The following TBC1D10A variants were observed in gnomAD, a reference collection of about 807,000 sequenced individuals.
TBC1D10A encodes EBP50-PDX interactor of 64 kDa.
In TBC1D10A, 24 loss-of-function variants were observed where a neutral mutation model predicts 52.9. The ratio of observed to expected loss-of-function variants is 0.45; its 90% CI spans 0.33 to 0.64. The LOEUF is 0.64. Among genes scored for constraint, TBC1D10A ranks in the 30% least tolerant of loss-of-function variants. The pLI, the probability that TBC1D10A is intolerant of heterozygous loss-of-function variation, is 0.02. For synonymous variants in TBC1D10A, 278 were observed against 282.9 expected, an observed-to-expected ratio of 0.98 and a Z score of 0.17; for missense variants, 602 against 687.9, an observed-to-expected ratio of 0.88 and a Z score of 1.40.
intron 4 of TBC1D10A, 61 bp from the exon 5 acceptor site, chr22:30,295,116 C>G (rs541827168): frequency 6.5e-7 from 1 of 1,542,848 alleles, no homozygotes; most frequent in East Asian, 2.3e-5. Flanking sequence ...ACGGCCTTCA[C>G]CTATGCCCCA....
chr22:30,303,644 G>C (rs1237056230), intron 2 of TBC1D10A, among the ~76,000 whole-genome samples: 1 of 152,270 alleles, frequency 6.6e-6, no homozygotes, highest in Non-Finnish European at 1.5e-5. Flanking sequence ...CCGGCAGCCA[G>C]CTGTGCCAGC....
intron 1 of TBC1D10A, among the ~76,000 whole-genome samples, chr22:30,310,319 C>T (rs561953103): frequency 1.7e-4 from 26 of 152,312 alleles, no homozygotes; most frequent in African/African-American, 3.6e-4. Flanking sequence ...CTGGTATTTG[C>T]GGCTTAACTA....
chr22:30,309,299 T>C (rs1601676141), intron 1 of TBC1D10A, among the ~76,000 whole-genome samples: 1 of 151,766 alleles, frequency 6.6e-6, no homozygotes, highest in East Asian at 1.9e-4. Flanking sequence ...TGCAGTGGCA[T>C]GATCTCAGCT....
At position 30,292,603 on chromosome 22, in the gene TBC1D10A, C is replaced by T. The variant is rs750980194; in HGVS notation, c.1299G>A (p.Lys433=). Residue 433 remains lysine (K), a synonymous_variant, in exon 9 of 9, where the codon AAG becomes AAA. Transcript: ENST00000215790. The stretch of plus-strand genomic sequence containing the variant: ...TCCCCTTCATCTGTTTCCGCTGCTC[C>T]TTCTGGGCCTGCTTGGGTGGCTTGG... The part of the protein sequence containing the change: ...AKPKPPKQAQ[K]EQRKQMKGRG... 2.5e-5 allele frequency: 41 copies of T among 1,613,590 alleles called. No individual in the cohort carries two copies. Among genetic ancestry groups the T allele is most frequent in the Non-Finnish European group, 3.4e-5 (40 of 1,179,876 alleles).
intron 8 of TBC1D10A, chr22:30,293,439 C>T (rs1158531180): frequency 2.6e-5 from 20 of 783,944 alleles, no homozygotes; most frequent in Non-Finnish European, 3.5e-5. Context: ...CCAAGCGGCT[C>T]GGATCCAGAA....
At chr22:30,322,256 C>T (rs900449509) in intron 1 of TBC1D10A, among the ~76,000 whole-genome samples, 12 of 152,106 alleles carry the variant, frequency 7.9e-5, no homozygotes, top group Admixed American at 3.3e-4. Context: ...GCTGGGATTA[C>T]GGCGGTGAAC....
rs748569575 is a variant in TBC1D10A, at chr22:30,326,858, A to G, written c.24T>C (p.Asn8=). MAKSNGE[N]GPRAPAAGES... is the part of the protein sequence containing the mutation. Reference sequence around the variant, plus strand: ...CCCCGGCCGCGGGCGCGCGCGGCCCATTCTCTCCGTTGCTCTTCGCCATCC... The same window carrying G: ...CCCCGGCCGCGGGCGCGCGCGGCCCGTTCTCTCCGTTGCTCTTCGCCATCC... The change falls in exon 1 of 9, where the codon AAT becomes AAC. Residue 8 remains asparagine (N), a synonymous_variant. Coordinates refer to ENST00000215790, the MANE Select transcript of TBC1D10A (RefSeq NM_031937.3). 1.5e-5 allele frequency: 23 copies of G among 1,507,284 alleles called. No individual in the cohort carries two copies. The highest frequency in any genetic ancestry group is 8.8e-5 in the Admixed American group (4 of 45,692). The allele number at this position is 1,507,284 out of a possible 1,614,324, so 93.4% of individuals were successfully genotyped here.
intron 1 of TBC1D10A, 103 bp downstream of exon 1, chr22:30,326,570 G>A (rs367932486): frequency 1.7e-6 from 2 of 1,161,784 alleles, no homozygotes; most frequent in Admixed American, 2.9e-5. Flanking sequence ...AGTGGTCCCT[G>A]CCTGGGAGGG....
intron 1 of TBC1D10A, among the ~76,000 whole-genome samples, chr22:30,316,152 T>C (rs1364582972): frequency 1.3e-5 from 2 of 152,180 alleles, no homozygotes; most frequent in Admixed American, 1.3e-4. Flanking sequence ...CTTGATTTGA[T>C]TACATTCCCA....
intron 3 of TBC1D10A, chr22:30,296,084 C>T (rs1389592754): frequency 3.4e-5 from 18 of 525,106 alleles, no homozygotes; most frequent in South Asian, 8.5e-5. Context: ...CTAGGAAGAC[C>T]GATGAGGGCA....
At chr22:30,315,809 T>C (rs1056226006) in intron 1 of TBC1D10A, among the ~76,000 whole-genome samples, 4 of 152,128 alleles carry the variant, frequency 2.6e-5, no homozygotes, top group Non-Finnish European at 4.4e-5. Context: ...AATTGTGTCA[T>C]CCATCATGAC....
In TBC1D10A at chr22:30,294,952, T is replaced by C. The variant is rs1569158968; in HGVS notation, c.628A>G (p.Met210Val). Residue 210 changes from methionine (M) to valine (V), a missense_variant, in exon 5 of 9, where the codon ATG becomes GTG. Met to Val is a conservative substitution (Grantham distance 21). This residue lies in a region of TBC1D10A where 136 missense variants were observed against 208.4 expected (regional missense o/e 0.65). Transcript: ENST00000215790. ...GGGCCTGGTGGTACCTCAGCAGGCA[T>C]ATGCATGAGCAAGACAGCGGCAATG... ...APIAAVLLMH[M>V]PAEQAFWCLV... 1.2e-6 allele frequency: 2 copies of C among 1,613,974 alleles called. No individual in the cohort carries two copies. The highest frequency in any genetic ancestry group is 2.2e-5 in the East Asian group (1 of 44,868).
intron 1 of TBC1D10A, among the ~76,000 whole-genome samples, chr22:30,321,611 C>A (rs1371780680): frequency 6.6e-6 from 1 of 152,210 alleles, no homozygotes; most frequent in Non-Finnish European, 1.5e-5. Context: ...CAGCTCAGAT[C>A]CCTTGCTCCC....
intron 1 of TBC1D10A, 60 bp from the exon 2 acceptor site, chr22:30,304,690 A>C: frequency 6.3e-7 from 1 of 1,588,632 alleles, no homozygotes; most frequent in South Asian, 1.1e-5. Flanking sequence ...CCCTGGCTTC[A>C]TTCCCAGCCG....
Position 30,292,599 on chromosome 22 carries a change from G to A in TBC1D10A, c.1303C>T (p.Gln435Ter), listed in dbSNP as rs1381838727. ...CCTCTCCCCTTCATCTGTTTCCGCTGCTCCTTCTGGGCCTGCTTGGGTGGC... is the reference window on the plus strand; with the variant it reads ...CCTCTCCCCTTCATCTGTTTCCGCTACTCCTTCTGGGCCTGCTTGGGTGGC... ...PKPPKQAQKE[Q>*]RKQMKGRGQL... Residue 435 changes from glutamine to a stop codon, truncating the protein, a stop_gained, in exon 9 of 9, where the codon CAG becomes TAG. Coordinates refer to ENST00000215790, the MANE Select transcript of TBC1D10A (RefSeq NM_031937.3). LOFTEE classifies it low-confidence loss of function (END_TRUNC). 3.1e-6 allele frequency: 5 copies of A among 1,613,610 alleles called. No individual in the cohort carries two copies. The highest frequency in any genetic ancestry group is 1.7e-5 in the Admixed American group (1 of 59,960).
intron 1 of TBC1D10A, among the ~76,000 whole-genome samples, chr22:30,310,772 T>C (rs1264023958): frequency 6.6e-6 from 1 of 152,170 alleles, no homozygotes; most frequent in African/African-American, 2.4e-5. Context: ...TGCCCAAGGT[T>C]ACATAGCCTG....
intron 1 of TBC1D10A, among the ~76,000 whole-genome samples, chr22:30,311,714 C>A (rs1056492756): frequency 6.6e-6 from 1 of 152,090 alleles, no homozygotes; most frequent in Non-Finnish European, 1.5e-5. Flanking sequence ...AAAGAAAAAC[C>A]AAGGTATCTA....
intron 1 of TBC1D10A, among the ~76,000 whole-genome samples, chr22:30,323,990 C>T (rs922795375): frequency 3.3e-5 from 5 of 151,984 alleles, no homozygotes; most frequent in African/African-American, 1.2e-4. Flanking sequence ...AGATCCCTTA[C>T]AGTGCAGTCT....
intron 1 of TBC1D10A, chr22:30,318,528 CAG>C: frequency 2.2e-6 from 1 of 447,102 alleles, no homozygotes; most frequent in Non-Finnish European, 4.6e-6. Flanking sequence ...TGTGACAACG[CAG>C]AGTCACAGCA....
Sources: gnomAD v4.1 joint callset for allele counts (sites outside exome capture counted in the v4.1 genomes callset) on GRCh38, gnomAD v4.1.1 for gene constraint, gnomAD v4.1.1 regional missense constraint, MANE v1.5 for transcripts, NCBI Gene and HGNC (gene_info 2026-07-23, HGNC 2026-07-21) for gene names.